The following ME3 variants were observed in gnomAD, a reference collection of about 807,000 sequenced individuals.
The protein encoded by ME3 is NADP-dependent malic enzyme, mitochondrial.
In ME3, 48 loss-of-function variants were observed where a neutral mutation model predicts 68.9. The observed-to-expected ratio is 0.70, with a 90% CI of 0.55 to 0.89. The LOEUF is 0.89. Ranked by LOEUF, ME3 falls within the 40% of genes least tolerant of loss-of-function variation. The pLI, the probability that ME3 is intolerant of heterozygous loss-of-function variation, is 0.00. For synonymous variants in ME3, 320 were observed against 318.8 expected (o/e 1.00, Z -0.04); for missense variants, 675 against 797.4 (o/e 0.85, Z 1.85).
chr11:86,610,673 T>G (rs1267190290), intron 2 of ME3, among the ~76,000 whole-genome samples: 2 of 109,598 alleles, frequency 1.8e-5, no homozygotes, highest in African/African-American at 3.5e-5. Context: ...GGTTGGGGGG[T>G]GGCTCTTGTC....
chr11:86,467,462 T>C (rs971048843), intron 7 of ME3, among the ~76,000 whole-genome samples: 10 of 152,126 alleles, frequency 6.6e-5, no homozygotes, highest in Non-Finnish European at 1.5e-4. Flanking sequence ...CCAAAATTTA[T>C]TGTGAATTTC....
intron 8 of ME3, among the ~76,000 whole-genome samples, chr11:86,461,698 C>T (rs1315383126): frequency 1.3e-5 from 2 of 152,178 alleles, no homozygotes; most frequent in Admixed American, 6.5e-5. Flanking sequence ...GATGTGCTGA[C>T]AGCCTTGCTG....
chr11:86,604,685 T>A (rs1416912944), intron 2 of ME3, among the ~76,000 whole-genome samples: 1 of 152,210 alleles, frequency 6.6e-6, no homozygotes, highest in East Asian at 1.9e-4. Flanking sequence ...ATTATTATTT[T>A]CATTTTATAG....
At chr11:86,668,365 C>T (rs1594842620) in intron 2 of ME3, 1 of 152,134 alleles carries the variant, frequency 6.6e-6, no homozygotes, top group South Asian at 2.1e-4. Flanking sequence ...TTATTAACTT[C>T]AATGCATTTG....
At chr11:86,466,455 C>G (rs1194413080) in intron 7 of ME3, among the ~76,000 whole-genome samples, 1 of 152,122 alleles carries the variant, frequency 6.6e-6, no homozygotes, top group Non-Finnish European at 1.5e-5. Context: ...GCCCTTCCAA[C>G]CTGGTGACCT....
chr11:86,658,164 G>C (rs140713755), intron 2 of ME3, among the ~76,000 whole-genome samples: 2 of 150,658 alleles, frequency 1.3e-5, no homozygotes, highest in African/African-American at 4.9e-5. Context: ...TCATGCTGTC[G>C]CCCAGGCTGG....
chr11:86,500,172 C>T (rs969080090), intron 5 of ME3, among the ~76,000 whole-genome samples: 4 of 152,244 alleles, frequency 2.6e-5, no homozygotes, highest in African/African-American at 9.6e-5. Flanking sequence ...CTGGGCATTT[C>T]TCTATCATCT....
intron 2 of ME3, among the ~76,000 whole-genome samples, chr11:86,592,880 C>A (rs1959137221): frequency 6.6e-6 from 1 of 152,142 alleles, no homozygotes; most frequent in African/African-American, 2.4e-5. Context: ...GGGGAGAGCA[C>A]AGAACGCAGG....
intron 5 of ME3, among the ~76,000 whole-genome samples, chr11:86,504,967 A>G (rs1184862394): frequency 2.0e-5 from 3 of 152,236 alleles, no homozygotes; most frequent in Admixed American, 6.5e-5. Context: ...CTGGGATTAC[A>G]GGCGTGAGCC....
intron 8 of ME3, chr11:86,457,895 CT>C (rs1287999559): frequency 1.0e-6 from 1 of 990,144 alleles, no homozygotes; most frequent in Non-Finnish European, 1.3e-6. Flanking sequence ...GTAGTTTCTG[CT>C]TTTAATAGTC....
chr11:86,473,452 C>T (rs1379336107), intron 7 of ME3, among the ~76,000 whole-genome samples: 1 of 152,054 alleles, frequency 6.6e-6, no homozygotes, highest in African/African-American at 2.4e-5. Flanking sequence ...GGCAGGGTGA[C>T]AGCTGTTGGG....
chr11:86,625,934 T>C (rs980980720), intron 2 of ME3, among the ~76,000 whole-genome samples: 2 of 152,320 alleles, frequency 1.3e-5, no homozygotes, highest in Middle Eastern at 3.4e-3. Flanking sequence ...CACAGGGTTT[T>C]TGTGGGATTA....
rs536901759 is a variant in ME3, at chr11:86,619,521, T to G, written c.183+52241A>C. Among the ~76,000 whole-genome samples the G allele has an allele frequency of 3.9e-5, 6 of 152,348 alleles. No homozygotes were observed. In the South Asian group the frequency reaches 1.2e-3, roughly 32 times the overall value. On this transcript the variant is annotated intron_variant, in intron 2 of 14. Transcript: ENST00000543262. ...GTGGGAGGCACCTGGTGGGAGATAA[T>G]TGAATCACAGGAGGGGTTTCCCCCA...
chr11:86,442,157 T>C (rs1949029586), intron 14 of ME3, among the ~76,000 whole-genome samples: 2 of 152,228 alleles, frequency 1.3e-5, no homozygotes, highest in Non-Finnish European at 2.9e-5. Context: ...CAATTATCAA[T>C]GTTGGGCCAG....
At chr11:86,463,882 T>C (rs1292217623) in intron 8 of ME3, among the ~76,000 whole-genome samples, 1 of 152,228 alleles carries the variant, frequency 6.6e-6, no homozygotes, top group Non-Finnish European at 1.5e-5. Context: ...AAATCTCAAC[T>C]CTATGCTTAA....
chr11:86,667,338 G>A (rs1248500885), intron 2 of ME3, among the ~76,000 whole-genome samples: 2 of 152,140 alleles, frequency 1.3e-5, no homozygotes, highest in East Asian at 3.9e-4. Context: ...GGGGAAGATT[G>A]GTGTGTTCTG....
intron 2 of ME3, among the ~76,000 whole-genome samples, chr11:86,626,110 C>G (rs1418533784): frequency 1.1e-4 from 17 of 152,126 alleles, no homozygotes; most frequent in Non-Finnish European, 2.4e-4. Flanking sequence ...GCTTCCTGTG[C>G]CAGTTATTAA....
At chr11:86,590,386 C>A (rs1416185367) in intron 2 of ME3, among the ~76,000 whole-genome samples, 1 of 152,198 alleles carries the variant, frequency 6.6e-6, no homozygotes, top group Non-Finnish European at 1.5e-5. Flanking sequence ...TAAGAACAGA[C>A]ACAGAAATGT....
chr11:86,439,456 C>G (rs1235852888), downstream of ME3, among the ~76,000 whole-genome samples: 1 of 152,176 alleles, frequency 6.6e-6, no homozygotes, highest in African/African-American at 2.4e-5. Flanking sequence ...AATTCTGTTA[C>G]TCTATAGAGC....
Sources: allele counts gnomAD v4.1 joint callset (sites outside exome capture counted in the v4.1 genomes callset), GRCh38; gene constraint gnomAD v4.1.1; transcripts MANE v1.5; gene names NCBI Gene and HGNC (gene_info 2026-07-23, HGNC 2026-07-21).